Variants in PIEZO2 observed in about 807,000 individuals in gnomAD.
PIEZO2 encodes the protein piezo type mechanosensitive ion channel component 2, also known as piezo-type mechanosensitive ion channel component 2.
PIEZO2 carries 172 observed loss-of-function variants against 337.3 expected under a neutral mutation model. The observed-to-expected ratio is 0.51, with a 90% CI of 0.45 to 0.58. The LOEUF is 0.58. Ranked by LOEUF, PIEZO2 falls within the 20% of genes least tolerant of loss-of-function variation. The pLI is 0.00. For synonymous variants in PIEZO2, 1,251 were observed against 1,228.5 expected (o/e 1.02, Z -0.38); for missense variants, 3,028 against 3,391.3 (o/e 0.89, Z 2.66).
intron 7 of PIEZO2, among the ~76,000 whole-genome samples, chr18:10,849,599 C>G (rs11080462): frequency 6.6e-6 from 1 of 151,880 alleles, no homozygotes; most frequent in Non-Finnish European, 1.5e-5. Context: ...ATCCCTGAAC[C>G]GTAAACGGGG....
chr18:10,927,007 T>TCATTACAAAGAA (rs1296929950), intron 3 of PIEZO2, among the ~76,000 whole-genome samples: 1 of 152,200 alleles, frequency 6.6e-6, no homozygotes, highest in Non-Finnish European at 1.5e-5. Context: ...TACAAATGTC[T>TCATTACAAAGAA]TACTCATTAC....
rs2034622426 is a variant in PIEZO2, at chr18:10,980,486, C to T, written c.161-826G>A. On this transcript the variant is annotated intron_variant, in intron 2 of 55. Transcript: ENST00000674853. The surrounding 1 kb of genome is among the most constrained non-coding windows in gnomAD (Gnocchi z 4.8). ...GATCAAGGCCACTTGATATGAATGCCACTAATTAACATATCACTGGATGTA... is the reference window on the plus strand; with the variant it reads ...GATCAAGGCCACTTGATATGAATGCTACTAATTAACATATCACTGGATGTA... Among the ~76,000 whole-genome samples, 1 of 152,108 alleles carries T rather than the reference C, an allele frequency of 6.6e-6. No individual in the cohort carries two copies. The highest frequency in any genetic ancestry group is 1.5e-5 in the Non-Finnish European group (1 of 68,014).
At chr18:10,844,286 G>A (rs1163912057) in intron 7 of PIEZO2, among the ~76,000 whole-genome samples, 1 of 152,036 alleles carries the variant, frequency 6.6e-6, no homozygotes, top group African/African-American at 2.4e-5. Context: ...CGGGTGTGGT[G>A]ATACATGCCT....
At chr18:11,120,844 G>T (rs981533153) in intron 1 of PIEZO2, among the ~76,000 whole-genome samples, 59 of 152,304 alleles carry the variant, frequency 3.9e-4, no homozygotes, top group African/African-American at 1.4e-3. Flanking sequence ...GTCAGAGAAA[G>T]AATATATCTT....
intron 2 of PIEZO2, among the ~76,000 whole-genome samples, chr18:11,050,990 A>T (rs1462623301): frequency 6.6e-6 from 1 of 151,788 alleles, no homozygotes; most frequent in Non-Finnish European, 1.5e-5. Context: ...ATATTGAAAA[A>T]ATATTTTGGG....
At chr18:10,765,671 A>C (rs532672348) in intron 21 of PIEZO2, among the ~76,000 whole-genome samples, 1 of 152,246 alleles carries the variant, frequency 6.6e-6, no homozygotes, top group South Asian at 2.1e-4. Flanking sequence ...TGTCAGGTGG[A>C]AACAGGGGCC....
rs1053344000 is a variant in PIEZO2, at chr18:10,887,400, A to C, written c.330-15985T>G. ...CATTTTTAAATGACCAGATCTACTG[A>C]GAACTTGCTATCACAAAGACAGCAC... On this transcript the variant is annotated intron_variant, in intron 4 of 55. Coordinates refer to ENST00000674853, the MANE Select transcript of PIEZO2 (RefSeq NM_001378183.1). 4.6e-5 allele frequency among the ~76,000 whole-genome samples: 7 copies of C among 152,114 alleles called. No homozygotes were observed. The East Asian group carries it at 1.4e-3, about 29-fold the overall frequency.
chr18:10,696,497 G>T lies in PIEZO2; in HGVS notation c.6870C>A (p.Asn2290Lys). The T allele has an allele frequency of 1.2e-6, 2 of 1,614,018 alleles. No individual in the cohort carries two copies. The highest frequency in any genetic ancestry group is 1.7e-6 in the Non-Finnish European group (2 of 1,180,024). ...CGGCGCTATACTCCGGGTGGATGAGGTTGTAAAAGAACTGTTTGATGGGCA... is the reference window on the plus strand; with the variant it reads ...CGGCGCTATACTCCGGGTGGATGAGTTTGTAAAAGAACTGTTTGATGGGCA... ...IYVPIKQFFY[N>K]LIHPEYSAVT... Residue 2290 changes from asparagine to lysine, a missense_variant, in exon 46 of 56, where the codon AAC becomes AAA. Asn to Lys is a moderately conservative substitution (Grantham distance 94). Coordinates refer to ENST00000674853, the MANE Select transcript of PIEZO2 (RefSeq NM_001378183.1).
rs979125664 is a variant in PIEZO2 at position 11,126,015 on chromosome 18, T to C, written c.64+22510A>G. Among the ~76,000 whole-genome samples, 1 of 152,182 alleles carries C rather than the reference T, an allele frequency of 6.6e-6. No homozygotes were observed. The highest frequency in any genetic ancestry group is 2.4e-5 in the African/African-American group (1 of 41,446). On this transcript the variant is annotated intron_variant, in intron 1 of 55. Transcript: ENST00000674853. This position sits in a 1 kb window ranked among gnomAD's most constrained non-coding sequence, Gnocchi z 4.6. The stretch of plus-strand genomic sequence containing the variant: ...ATCCAGAGTGTTGTCAAAGCATGCA[T>C]AATGACTCCATTTATTTTCCAAAAT...
At position 11,009,679 on chromosome 18, in the gene PIEZO2, T is replaced by C. The variant is rs550996012; in HGVS notation, c.161-30019A>G. Among the ~76,000 whole-genome samples, 6 of 152,320 alleles carry C rather than the reference T, an allele frequency of 3.9e-5. No homozygotes were observed. The East Asian group carries it at 9.6e-4, about 24-fold the overall frequency. On this transcript the variant is annotated intron_variant, in intron 2 of 55. Transcript: ENST00000674853. The surrounding 1 kb of genome is among the most constrained non-coding windows in gnomAD (Gnocchi z 4.6). Reference sequence around the variant, plus strand: ...AATCGTGTCCCCTTCATATGCTAAGTTCATATGTCAAAGTCCTAACACCCA... The same window carrying C: ...AATCGTGTCCCCTTCATATGCTAAGCTCATATGTCAAAGTCCTAACACCCA...
At chr18:11,081,426 C>T (rs1171230011) in intron 1 of PIEZO2, among the ~76,000 whole-genome samples, 1 of 152,154 alleles carries the variant, frequency 6.6e-6, no homozygotes, top group Non-Finnish European at 1.5e-5. Flanking sequence ...TCGAGCAAGT[C>T]CATTGATATC....
Position 11,148,386 on chromosome 18 carries a change from G to C in PIEZO2, c.64+139C>G, listed in dbSNP as rs2040862598. 4 of 943,280 alleles carry C rather than the reference G, an allele frequency of 4.2e-6. No individual in the cohort carries two copies. The highest frequency in any genetic ancestry group is 3.2e-5 in the South Asian group (2 of 63,432). 58.4% of individuals were successfully genotyped at this position (943,280 alleles called of 1,614,324 possible). On this transcript the variant is annotated intron_variant, in intron 1 of 55. Transcript: ENST00000674853. The surrounding 1 kb of genome is among the most constrained non-coding windows in gnomAD (Gnocchi z 5.2). ...AGTGAGAGAGCCAGGCTGTGCACCA[G>C]GGACAGCGCGCGTCTGACGCCGCTG... is the stretch of plus-strand genomic sequence containing the variant.
chr18:10,702,080 G>T lies in PIEZO2; in HGVS notation c.6350C>A (p.Pro2117Gln), dbSNP rs766731878. The T allele has an allele frequency of 3.3e-6, 5 of 1,536,654 alleles. No homozygotes were observed. The Admixed American group carries it at 7.9e-5, about 24-fold the overall frequency. ...CTTCTTTTCCACTCCTATGATGTTT[G>T]GGGGGTGATACGGTTTATCTTTGTT... ...EVNKDKPYHP[P>Q]NIIGVEKKEG... Residue 2117 changes from proline to glutamine, a missense_variant, in exon 43 of 56, where the codon CCA (proline) becomes CAA (glutamine). By Grantham distance (76) the Pro-to-Gln change is moderately conservative (BLOSUM62 -1). Transcript: ENST00000674853.
chr18:10,886,239 G>C (rs1057515227), intron 4 of PIEZO2, among the ~76,000 whole-genome samples: 26 of 141,672 alleles, frequency 1.8e-4, no homozygotes, highest in African/African-American at 7.1e-4. Context: ...TGTGTGTGCA[G>C]TATCCACCCT....
intron 5 of PIEZO2, 93 bp from the exon 6 acceptor site, chr18:10,857,304 G>T: frequency 1.8e-6 from 2 of 1,098,328 alleles, no homozygotes; most frequent in Non-Finnish European, 2.6e-6. Flanking sequence ...GTCAGTCAAC[G>T]TGGTGAATTT....
chr18:10,756,043 T>G (rs1418409110), intron 27 of PIEZO2, among the ~76,000 whole-genome samples: 4 of 111,906 alleles, frequency 3.6e-5, no homozygotes, highest in Non-Finnish European at 7.0e-5. Context: ...GGAGGAGGGA[T>G]GCAGGATGAA....
chr18:10,875,743 C>T (rs2042253057), intron 4 of PIEZO2, among the ~76,000 whole-genome samples: 1 of 152,210 alleles, frequency 6.6e-6, no homozygotes, highest in South Asian at 2.1e-4. Context: ...TCTTTCCCAC[C>T]TGTGGATTGC....
chr18:10,928,135 A>AGAACC (rs2031861208), intron 3 of PIEZO2, among the ~76,000 whole-genome samples: 1 of 152,222 alleles, frequency 6.6e-6, no homozygotes, highest in South Asian at 2.1e-4. Flanking sequence ...TAGGAAAGAA[A>AGAACC]GAATGAAGTC....
At chr18:10,692,935 T>C (rs1247324314) in intron 47 of PIEZO2, among the ~76,000 whole-genome samples, 2 of 152,166 alleles carry the variant, frequency 1.3e-5, no homozygotes, top group African/African-American at 4.8e-5. Context: ...CCGTGGTCAA[T>C]CTATAGATCA....
Sources: allele counts gnomAD v4.1 joint callset (sites outside exome capture counted in the v4.1 genomes callset), GRCh38; gene constraint gnomAD v4.1.1; non-coding constraint Gnocchi (gnomAD v3.1); transcripts MANE v1.5; gene names NCBI Gene and HGNC (gene_info 2026-07-23, HGNC 2026-07-21).